The following CPNE1 variants were observed in gnomAD, a reference collection of about 807,000 sequenced individuals.
The protein encoded by CPNE1 is copine-1.
Under a neutral mutation model 63.2 loss-of-function variants are expected in CPNE1, and 58 were observed. That is an observed-to-expected ratio of 0.92 (90% CI 0.74 to 1.14). CPNE1 has a LOEUF of 1.14. Among genes scored for constraint, CPNE1 ranks in the 50% most tolerant of loss-of-function variants. The probability of loss-of-function intolerance (pLI) is 0.00; values close to 1 mark genes in which losing one functional copy is unlikely to be tolerated. For synonymous variants in CPNE1, 237 were observed against 249.0 expected, an observed-to-expected ratio of 0.95 and a Z score of 0.45; for missense variants, 672 against 661.7, an observed-to-expected ratio of 1.02 and a Z score of -0.17.
At chr20:35,629,472 T>C (rs1452743022) in intron 13 of CPNE1, among the ~76,000 whole-genome samples, 1 of 152,128 alleles carries the variant, frequency 6.6e-6, no homozygotes, top group Non-Finnish European at 1.5e-5. Context: ...TAAGTACCTG[T>C]TAGCTTCTAG....
intron 1 of CPNE1, chr20:35,651,116 CAGTG>C (rs2033483086): frequency 6.6e-6 from 1 of 152,142 alleles, no homozygotes; most frequent in Admixed American, 6.5e-5. Context: ...CCTTTTATGA[CAGTG>C]AGAAAATTTG....
chr20:35,630,780 AGGGAACAGCTTGTCTCTGT>A lies in CPNE1; in HGVS notation c.996-4_1010del. The stretch of plus-strand genomic sequence containing the variant: ...GAACCTGGGCCCCAAATCCAAATGC[AGGGAACAGCTTGTCTCTGT>A]GGGAGGACAGTGTATTGGGCAAAAG... On this transcript the variant is annotated splice_acceptor_variant and splice_polypyrimidine_tract_variant and coding_sequence_variant and intron_variant, in exon 12 of 16. Transcript: ENST00000397443. LOFTEE classifies it high-confidence loss of function. The A allele has an allele frequency of 6.2e-7, 1 of 1,613,838 alleles. No individual in the cohort carries two copies. Among genetic ancestry groups the A allele is most frequent in the Non-Finnish European group, 8.5e-7 (1 of 1,179,868 alleles).
intron 1 of CPNE1, among the ~76,000 whole-genome samples, chr20:35,633,166 C>T (rs914250120): frequency 2.6e-5 from 4 of 152,216 alleles, no homozygotes; most frequent in Non-Finnish European, 5.9e-5. Flanking sequence ...AAAAGGGGTA[C>T]TAGCCTCCAT....
intron 1 of CPNE1, chr20:35,653,418 T>A (rs756864140): frequency 2.5e-6 from 4 of 1,614,144 alleles, no homozygotes; most frequent in Middle Eastern, 1.6e-4. Context: ...ATCCCTTTTT[T>A]CCTTGGGCAG....
At chr20:35,632,481 T>C (rs368039894) in intron 3 of CPNE1, 36 bp downstream of exon 3, 2 of 1,609,800 alleles carry the variant, frequency 1.2e-6, no homozygotes, top group African/African-American at 2.7e-5. Flanking sequence ...CTCACAGACC[T>C]GCATCTGAAG....
In CPNE1 at chr20:35,632,897, C is replaced by G; in HGVS notation, c.27G>C (p.Gln9His). 1 of 872,896 alleles carries G rather than the reference C, an allele frequency of 1.1e-6. No individual in the cohort carries two copies. The highest frequency in any genetic ancestry group is 2.0e-6 in the Non-Finnish European group (1 of 501,606). 54.1% of individuals were successfully genotyped at this position (872,896 alleles called of 1,614,324 possible). Residue 9 changes from glutamine (Q) to histidine (H), a missense_variant, in exon 2 of 16, where the codon CAG becomes CAC. Physicochemically the swap from Gln to His is conservative, Grantham distance 24. Transcript: ENST00000397443. ...TGAGATGGTCACAGGAAATGGACAG[C>G]TGAACCAAGGTCACGCAGTGGGCCA... Reference protein sequence around the residue: MAHCVTLVQLSISCDHLID... With the variant: MAHCVTLVHLSISCDHLID...
intron 15 of CPNE1, 30 bp from the exon 16 acceptor site, chr20:35,626,411 G>T (rs1041782655): frequency 1.2e-6 from 2 of 1,611,458 alleles, no homozygotes; most frequent in Admixed American, 3.3e-5. Context: ...GTCAGTGGTG[G>T]CCCAGAACAG....
At chr20:35,633,611 C>G (rs943060879) in intron 1 of CPNE1, among the ~76,000 whole-genome samples, 1 of 152,148 alleles carries the variant, frequency 6.6e-6, no homozygotes, top group Non-Finnish European at 1.5e-5. Context: ...TCCCCCATGT[C>G]CACCCCAACA....
intron 1 of CPNE1, chr20:35,654,006 A>G: frequency 6.2e-7 from 1 of 1,614,216 alleles, no homozygotes; most frequent in South Asian, 1.1e-5. Flanking sequence ...TTTCTGCTTC[A>G]AATGGTAGCC....
In CPNE1 at chr20:35,632,181, G is replaced by C; in HGVS notation, c.438C>G (p.Ala146=). The stretch of plus-strand genomic sequence containing the variant: ...GACACACCTTCTTATCTAGGTTTCT[G>C]GCCTCTACCTCCATGGTTACTACAC... ...DNRVVTMEVE[A]RNLDKKDFLG... is the part of the protein sequence containing the mutation. The change falls in exon 5 of 16, where the codon GCC becomes GCG. Residue 146 remains alanine, a synonymous_variant. Transcript: ENST00000397443. 6.2e-7 allele frequency: 1 copy of C among 1,614,082 alleles called. No individual in the cohort carries two copies. The highest frequency in any genetic ancestry group is 8.5e-7 in the Non-Finnish European group (1 of 1,179,998).
chr20:35,652,480 C>T, intron 1 of CPNE1: 1 of 1,553,644 alleles, frequency 6.4e-7, no homozygotes, highest in Non-Finnish European at 8.7e-7. Flanking sequence ...ATGCATTAAT[C>T]ACAGCAATAT....
rs1482814739 is a variant in CPNE1 at position 35,630,889 on chromosome 20, G to A, written c.995+12C>T. On this transcript the variant is annotated intron_variant, in intron 11 of 15. Coordinates refer to ENST00000397443, the MANE Select transcript of CPNE1 (RefSeq NM_152925.3). ...CAGGGAGCGGGTATAGCCCAGAGAA[G>A]CAGGTACTCACGAGTCATAGTCCTG... 1.2e-6 allele frequency: 2 copies of A among 1,603,370 alleles called. No individual in the cohort carries two copies. Among genetic ancestry groups the A allele is most frequent in the Admixed American group, 3.4e-5 (2 of 59,182 alleles).
At chr20:35,652,925 C>A (rs12481117) in intron 1 of CPNE1, 12 of 1,613,680 alleles carry the variant, frequency 7.4e-6, no homozygotes, top group African/African-American at 1.3e-5. Flanking sequence ...GGGGGACCGC[C>A]TAAGCTACCA....
At position 35,631,360 on chromosome 20, in the gene CPNE1, G is replaced by C; in HGVS notation, c.715-6C>G. 1 of 1,613,968 alleles carries C rather than the reference G, an allele frequency of 6.2e-7. No homozygotes were observed. The highest frequency in any genetic ancestry group is 8.5e-7 in the Non-Finnish European group (1 of 1,179,868). On this transcript the variant is annotated splice_polypyrimidine_tract_variant and splice_region_variant and intron_variant, in intron 8 of 15. Transcript: ENST00000397443. Reference sequence around the variant, plus strand: ...TGGATGCATTCAAACTCAGCCTGGTGAGGACAGAAAAATTAGGGTAGGAAA... The same window carrying C: ...TGGATGCATTCAAACTCAGCCTGGTCAGGACAGAAAAATTAGGGTAGGAAA...
At chr20:35,659,270 G>T (rs759599192) in intron 1 of CPNE1, among the ~76,000 whole-genome samples, 1 of 151,736 alleles carries the variant, frequency 6.6e-6, no homozygotes, top group Non-Finnish European at 1.5e-5. Flanking sequence ...GCCCAATAAC[G>T]AATCCACTGA....
At chr20:35,634,260 CA>C (rs35273568) in intron 1 of CPNE1, among the ~76,000 whole-genome samples, 28,501 of 85,428 alleles carry the variant, frequency 0.33, 3,390 homozygotes, top group African/African-American at 0.47. Context: ...GACTCTGTCA[CA>C]AAAAAAAAAA....
Position 35,632,190 on chromosome 20 carries a change from C to G in CPNE1, c.429G>C (p.Glu143Asp). Residue 143 changes from glutamate to aspartate, a missense_variant, in exon 5 of 16, where the codon GAG becomes GAC. Glu to Asp is a conservative substitution (Grantham distance 45). Transcript: ENST00000397443. ...TCTTATCTAGGTTTCTGGCCTCTAC[C>G]TCCATGGTTACTACACGATTGTCCT... ...ELKDNRVVTM[E>D]VEARNLDKKD... The G allele has an allele frequency of 6.2e-7, 1 of 1,614,180 alleles. No individual in the cohort carries two copies. The highest frequency in any genetic ancestry group is 8.5e-7 in the Non-Finnish European group (1 of 1,180,032).
chr20:35,629,460 A>G (rs12624473), intron 13 of CPNE1, among the ~76,000 whole-genome samples: 6,403 of 152,236 alleles, frequency 0.042, 216 homozygotes, highest in South Asian at 0.18. Context: ...CTGATGCTCA[A>G]GTAAGTACCT....
intron 1 of CPNE1, chr20:35,653,990 G>A: frequency 1.2e-6 from 2 of 1,614,114 alleles, no homozygotes; most frequent in Non-Finnish European, 1.7e-6. Context: ...TCAATGACAT[G>A]TTTGTTTTCT....
Sources: allele counts gnomAD v4.1 joint callset (sites outside exome capture counted in the v4.1 genomes callset), GRCh38; gene constraint gnomAD v4.1.1; transcripts MANE v1.5; gene names NCBI Gene and HGNC (gene_info 2026-07-23, HGNC 2026-07-21).